Variants in CUX1 observed in about 807,000 individuals in gnomAD.
The protein encoded by CUX1 is protein CASP.
CUX1 carries 31 observed loss-of-function variants against 158.8 expected under a neutral mutation model. That is an observed-to-expected ratio of 0.20 (90% CI 0.15 to 0.26). The LOEUF (loss-of-function observed/expected upper bound fraction) is 0.26. CUX1 is among the 10% of genes least tolerant of loss of function. The probability of loss-of-function intolerance (pLI) is 1.00; values close to 1 mark genes in which losing one functional copy is unlikely to be tolerated. For missense variants in CUX1, 1,589 were observed against 2,014.6 expected, an observed-to-expected ratio of 0.79 and a Z score of 4.04; for synonymous variants, 879 against 862.1, an observed-to-expected ratio of 1.02 and a Z score of -0.34.
intron 1 of CUX1, among the ~76,000 whole-genome samples, chr7:101,834,166 T>A (rs1235489998): frequency 1.4e-5 from 1 of 70,528 alleles, no homozygotes; most frequent in Non-Finnish European, 2.9e-5. Context: ...TGATTGTTTC[T>A]TTTTTTTTTT....
intron 2 of CUX1, among the ~76,000 whole-genome samples, chr7:102,006,319 G>A (rs1015371500): frequency 4.6e-5 from 7 of 152,120 alleles, no homozygotes; most frequent in South Asian, 2.1e-4. Context: ...TGCTGACCAC[G>A]CCTCAGTGCT....
rs781962925 is a variant in CUX1, at chr7:102,248,393, G to A, written c.3888-19G>A. 19 of 1,573,830 alleles carry A rather than the reference G, an allele frequency of 1.2e-5. No individual in the cohort carries two copies. The highest frequency in any genetic ancestry group is 3.5e-5 in the Admixed American group (2 of 56,826). The stretch of plus-strand genomic sequence containing the variant: ...CCAGCAGCACCCCCCTCACGTCCCC[G>A]CCGCTTGTTGTCTTGTAGGTCTCGG... On this transcript the variant is annotated intron_variant, in intron 23 of 23. Coordinates refer to ENST00000292535, the MANE Select transcript of CUX1 (RefSeq NM_181552.4). This position sits in a 1 kb window ranked among gnomAD's most constrained non-coding sequence, Gnocchi z 5.8.
chr7:101,817,657 AG>A lies in CUX1; in HGVS notation c.19del (p.Ala7ProfsTer3). On this transcript the variant is annotated frameshift_variant, in exon 1 of 24. Transcript: ENST00000292535. LOFTEE classifies it high-confidence loss of function. This position sits in a 1 kb window ranked among gnomAD's most constrained non-coding sequence, Gnocchi z 4.1. Reference sequence around the variant, plus strand: ...CCAGGTGGATGTTGTGCGTAGCCGGAGCCAGGTTGAAGGTGAGCGGCGTGTG... The same window carrying A: ...CCAGGTGGATGTTGTGCGTAGCCGGACCAGGTTGAAGGTGAGCGGCGTGTG... MLCVAG[A>X]RLKRELDATA... 6.4e-7 allele frequency: 1 copy of A among 1,552,264 alleles called. No homozygotes were observed. Among genetic ancestry groups the A allele is most frequent in the East Asian group, 2.4e-5 (1 of 41,142 alleles).
intron 11 of CUX1, among the ~76,000 whole-genome samples, chr7:102,184,479 G>A (rs1793438093): frequency 6.6e-6 from 1 of 152,052 alleles, no homozygotes; most frequent in Non-Finnish European, 1.5e-5. Context: ...TATTCATTCT[G>A]AATCTCCCCA....
At chr7:101,848,051 C>CAAAAAAAAAAA (rs57428019) in intron 1 of CUX1, among the ~76,000 whole-genome samples, 14 of 65,370 alleles carry the variant, frequency 2.1e-4, no homozygotes, top group Admixed American at 4.1e-4. Flanking sequence ...GAGCAAGACT[C>CAAAAAAAAAAA]AAAAAAAAAA....
chr7:101,919,865 G>A (rs1283947280), intron 2 of CUX1, among the ~76,000 whole-genome samples: 1 of 152,200 alleles, frequency 6.6e-6, no homozygotes, highest in African/African-American at 2.4e-5. Context: ...TGTGGTGGCT[G>A]GGACTCTGAC....
Position 102,249,325 on chromosome 7 carries a change from T to C in CUX1, c.*283T>C. The C allele has an allele frequency of 9.8e-7, 1 of 1,020,002 alleles. No homozygotes were observed. The highest frequency in any genetic ancestry group is 4.6e-5 in the South Asian group (1 of 21,602). 63.2% of individuals were successfully genotyped at this position (1,020,002 alleles called of 1,614,324 possible). A position where few individuals can be genotyped will look rare whatever the true frequency, so the allele number is the denominator to read the frequency against. ...AGACCCAGCCCGCGGCCTGGACCCC[T>C]GGACCGCTTTGCGCACTTACCGCCC... On this transcript the variant is annotated 3_prime_UTR_variant, in exon 24 of 24. Coordinates refer to ENST00000292535, the MANE Select transcript of CUX1 (RefSeq NM_181552.4).
intron 23 of CUX1, among the ~76,000 whole-genome samples, chr7:102,244,929 AT>A (rs1800642491): frequency 6.6e-6 from 1 of 152,236 alleles, no homozygotes; most frequent in African/African-American, 2.4e-5. Context: ...CCTTAGAAAT[AT>A]GGAGACAAAT....
intron 8 of CUX1, among the ~76,000 whole-genome samples, chr7:102,137,261 G>A (rs1554499007): frequency 6.6e-6 from 1 of 152,182 alleles, no homozygotes; most frequent in African/African-American, 2.4e-5. Context: ...TGGGATCAAA[G>A]CCCCGCAACT....
intron 18 of CUX1, among the ~76,000 whole-genome samples, chr7:102,202,841 G>A (rs1795590130): frequency 6.6e-6 from 1 of 152,220 alleles, no homozygotes; most frequent in African/African-American, 2.4e-5. Flanking sequence ...TCAGGAAAGT[G>A]TAATCGTGCA....
At chr7:102,100,229 G>A (rs1233527920) in intron 5 of CUX1, among the ~76,000 whole-genome samples, 2 of 152,184 alleles carry the variant, frequency 1.3e-5, no homozygotes, top group African/African-American at 4.8e-5. Flanking sequence ...AGTGAGCTAA[G>A]ATCACACCAC....
chr7:102,251,874 G>C lies in CUX1; in HGVS notation c.*2832G>C. 1 of 985,414 alleles carries C rather than the reference G, an allele frequency of 1.0e-6. No homozygotes were observed. Among genetic ancestry groups the C allele is most frequent in the South Asian group, 4.7e-5 (1 of 21,280 alleles). The allele number at this position is 985,414 out of a possible 1,614,324, so 61.0% of individuals were successfully genotyped here. On this transcript the variant is annotated 3_prime_UTR_variant, in exon 24 of 24. Coordinates refer to ENST00000292535, the MANE Select transcript of CUX1 (RefSeq NM_181552.4). ...CAAAGGTGTTAAATCTGAGGAAATT[G>C]ACAAATACAGATTTGTCCATTCTAG... is the stretch of plus-strand genomic sequence containing the variant.
chr7:102,249,914 T>C lies in CUX1; in HGVS notation c.*872T>C, dbSNP rs916248620. ...CAGGAAACTCTGATTTTGTGGTAGC[T>C]GACATAGTGTTTTCTTGTACGTGAA... On this transcript the variant is annotated 3_prime_UTR_variant, in exon 24 of 24. Coordinates refer to ENST00000292535, the MANE Select transcript of CUX1 (RefSeq NM_181552.4). 1.0e-6 allele frequency: 1 copy of C among 985,840 alleles called. No homozygotes were observed. The highest frequency in any genetic ancestry group is 5.2e-4 in the Middle Eastern group (1 of 1,914). 61.1% of individuals were successfully genotyped at this position (985,840 alleles called of 1,614,324 possible).
rs1420917739 is a variant in CUX1 at position 102,252,223 on chromosome 7, C to T, written c.*3181C>T. The T allele has an allele frequency of 1.4e-5, 14 of 985,344 alleles. No homozygotes were observed. The highest frequency in any genetic ancestry group is 9.4e-5 in the South Asian group (2 of 21,280). The allele number at this position is 985,344 out of a possible 1,614,324, so 61.0% of individuals were successfully genotyped here. ...CTGCCACTAAAATAATACAGCAATC[C>T]GTGGCCAGGGGAGCACCCCCTCCTG... is the stretch of plus-strand genomic sequence containing the variant. On this transcript the variant is annotated 3_prime_UTR_variant, in exon 24 of 24. Coordinates refer to ENST00000292535, the MANE Select transcript of CUX1 (RefSeq NM_181552.4).
At chr7:101,877,830 G>T (rs1266331817) in intron 1 of CUX1, among the ~76,000 whole-genome samples, 1 of 150,274 alleles carries the variant, frequency 6.7e-6, no homozygotes, top group Non-Finnish European at 1.5e-5. Context: ...ATTGTTCAAT[G>T]ATATGAATAG....
At chr7:101,955,951 A>C (rs1457639530) in intron 2 of CUX1, among the ~76,000 whole-genome samples, 3 of 151,970 alleles carry the variant, frequency 2.0e-5, no homozygotes, top group African/African-American at 4.8e-5. Context: ...TGGGAGGCCA[A>C]GGTGGGCGGA....
chr7:102,026,360 T>G (rs1245729548), intron 2 of CUX1, among the ~76,000 whole-genome samples: 1 of 152,180 alleles, frequency 6.6e-6, no homozygotes, highest in Non-Finnish European at 1.5e-5. Flanking sequence ...TTAAGTTATA[T>G]TTAAATATAA....
chr7:101,817,288 G>C, upstream of CUX1: 2 of 984,942 alleles, frequency 2.0e-6, no homozygotes, highest in Non-Finnish European at 2.4e-6. This position sits in a 1 kb window ranked among gnomAD's most constrained non-coding sequence, Gnocchi z 4.1. Flanking sequence ...TGCGGCGCCG[G>C]GTCCCTTCCT....
chr7:102,239,292 C>T, intron 22 of CUX1, 28 bp from the exon 23 acceptor site: 1 of 1,586,306 alleles, frequency 6.3e-7, no homozygotes, highest in Non-Finnish European at 8.6e-7. Context: ...CTGGGCCTGA[C>T]CTTAGTCTGC....
Sources: allele counts gnomAD v4.1 joint callset (sites outside exome capture counted in the v4.1 genomes callset), GRCh38; gene constraint gnomAD v4.1.1; non-coding constraint Gnocchi (gnomAD v3.1); transcripts MANE v1.5; gene names NCBI Gene and HGNC (gene_info 2026-07-23, HGNC 2026-07-21).